SLC6A6: variants seen among roughly 807,000 people sequenced by gnomAD.
SLC6A6 encodes solute carrier family 6 member 6.
A neutral mutation model predicts 68.8 loss-of-function variants in SLC6A6; 16 were observed. The observed-to-expected ratio is 0.23, with a 90% CI of 0.16 to 0.35. SLC6A6 has a LOEUF of 0.35. Ranked by LOEUF, SLC6A6 falls within the 10% of genes least tolerant of loss-of-function variation. The pLI is 1.00. For synonymous variants in SLC6A6, 312 were observed against 315.4 expected, an observed-to-expected ratio of 0.99 and a Z score of 0.12; for missense variants, 474 against 802.8, an observed-to-expected ratio of 0.59 and a Z score of 4.95.
chr3:14,488,537 A>G lies in SLC6A6; in HGVS notation c.*3530A>G, dbSNP rs1407873532. On this transcript the variant is annotated 3_prime_UTR_variant, in exon 15 of 15. Coordinates refer to ENST00000622186, the MANE Select transcript of SLC6A6 (RefSeq NM_003043.6). Reference sequence around the variant, plus strand: ...CCCACCCCACCCAAGATTCAGACACAAGCCAGGAAAGGACCCAAGAGAAAA... The same window carrying G: ...CCCACCCCACCCAAGATTCAGACACGAGCCAGGAAAGGACCCAAGAGAAAA... 1 of 152,146 alleles carries G rather than the reference A, an allele frequency of 6.6e-6. No individual in the cohort carries two copies. Among genetic ancestry groups the G allele is most frequent in the Non-Finnish European group, 1.5e-5 (1 of 68,048 alleles). The allele number at this position is 152,146 out of a possible 1,614,324, so 9.4% of individuals were successfully genotyped here. A position where few individuals can be genotyped will look rare whatever the true frequency, so the allele number is the denominator to read the frequency against.
At chr3:14,428,814 T>G (rs1251730417) in intron 2 of SLC6A6, among the ~76,000 whole-genome samples, 4 of 152,078 alleles carry the variant, frequency 2.6e-5, no homozygotes, top group African/African-American at 9.7e-5. Flanking sequence ...GGAGGTGGTG[T>G]TTAAGGGACA....
chr3:14,432,055 C>T (rs1039643424), intron 2 of SLC6A6, among the ~76,000 whole-genome samples: 4 of 152,184 alleles, frequency 2.6e-5, no homozygotes, highest in Non-Finnish European at 4.4e-5. Context: ...GCCACAGTGA[C>T]AGAGTTGGGG....
At position 14,405,001 on chromosome 3, in the gene SLC6A6, G is replaced by A. The variant is rs144372360; in HGVS notation, c.-54+2154G>A. ...GTGAGCAGTACCCATTTTATAGATG[G>A]ACAAACTGAGAGCCACCTAAGGGAC... On this transcript the variant is annotated intron_variant, in intron 1 of 14. Transcript: ENST00000622186. Among the ~76,000 whole-genome samples the A allele has an allele frequency of 6.0e-3, 908 of 152,310 alleles. 7 individuals carry two copies. Among genetic ancestry groups the A allele is most frequent in the Middle Eastern group, 0.01 (3 of 294 alleles).
In SLC6A6 at chr3:14,481,849, C is replaced by A. The variant is rs1453642792; in HGVS notation, c.1722+8C>A. ...GAGGGGCCGTTCCTTGTGGTAAGTG[C>A]TTGGGCCCAGGGCCAGGGGAGGTGG... On this transcript the variant is annotated splice_region_variant and intron_variant, in intron 14 of 14. Coordinates refer to ENST00000622186, the MANE Select transcript of SLC6A6 (RefSeq NM_003043.6). This position sits in a 1 kb window ranked among gnomAD's most constrained non-coding sequence, Gnocchi z 4.7. The A allele has an allele frequency of 1.2e-6, 2 of 1,612,766 alleles. No individual in the cohort carries two copies. The highest frequency in any genetic ancestry group is 1.7e-4 in the Middle Eastern group (1 of 6,054).
In SLC6A6 at chr3:14,472,346, C is replaced by G. The variant is rs545666681; in HGVS notation, c.1209+29C>G. On this transcript the variant is annotated intron_variant, in intron 10 of 14. Coordinates refer to ENST00000622186, the MANE Select transcript of SLC6A6 (RefSeq NM_003043.6). The surrounding 1 kb of genome is among the most constrained non-coding windows in gnomAD (Gnocchi z 4.5). Reference sequence around the variant, plus strand: ...CGTATAAGGGATGGCCCTGGGGCGACTGCCCCTGTGGGGAACCTGACTCTG... The same window carrying G: ...CGTATAAGGGATGGCCCTGGGGCGAGTGCCCCTGTGGGGAACCTGACTCTG... The G allele has an allele frequency of 6.9e-5, 95 of 1,374,802 alleles. No homozygotes were observed. The South Asian group carries it at 9.6e-4, about 14-fold the overall frequency. The allele number at this position is 1,374,802 out of a possible 1,614,324, so 85.2% of individuals were successfully genotyped here. A position where few individuals can be genotyped will look rare whatever the true frequency, so the allele number is the denominator to read the frequency against.
chr3:14,475,193 G>A (rs1700845968), intron 10 of SLC6A6, among the ~76,000 whole-genome samples: 1 of 151,960 alleles, frequency 6.6e-6, no homozygotes, highest in Non-Finnish European at 1.5e-5. Flanking sequence ...CACCATACCT[G>A]GCTAATTTTT....
At position 14,472,169 on chromosome 3, in the gene SLC6A6, T is replaced by G. The variant is rs202084938; in HGVS notation, c.1097-36T>G. On this transcript the variant is annotated intron_variant, in intron 9 of 14. Coordinates refer to ENST00000622186, the MANE Select transcript of SLC6A6 (RefSeq NM_003043.6). The surrounding 1 kb of genome is among the most constrained non-coding windows in gnomAD (Gnocchi z 4.5). ...CAGTGGCTTGGTGGCTGATGTCTCC[T>G]CCCCTGTGCCCCTCCCCGTTTTCTT... 790 of 1,320,896 alleles carry G rather than the reference T, an allele frequency of 6.0e-4. 14 individuals are homozygous for G. In the South Asian group the frequency reaches 8.9e-3, roughly 15 times the overall value. 81.8% of individuals were successfully genotyped at this position (1,320,896 alleles called of 1,614,324 possible). A position where few individuals can be genotyped will look rare whatever the true frequency, so the allele number is the denominator to read the frequency against.
At position 14,468,345 on chromosome 3, in the gene SLC6A6, C is replaced by CG. The variant is rs397946379; in HGVS notation, c.1096+134dup. The CG allele has an allele frequency of 3.6e-4, 256 of 719,548 alleles. No individual in the cohort carries two copies. The highest frequency in any genetic ancestry group is 4.8e-4 in the Non-Finnish European group (225 of 464,008). 44.6% of individuals were successfully genotyped at this position (719,548 alleles called of 1,614,324 possible). The stretch of plus-strand genomic sequence containing the variant: ...TGGTTTCTAAAATGGACCCCCCCCC[C>CG]GCCACCAAGATATCCCCCAAATTTC... On this transcript the variant is annotated intron_variant, in intron 9 of 14. Transcript: ENST00000622186. The surrounding 1 kb of genome is among the most constrained non-coding windows in gnomAD (Gnocchi z 4.5).
intron 6 of SLC6A6, among the ~76,000 whole-genome samples, chr3:14,461,933 C>A (rs1199814783): frequency 6.6e-6 from 1 of 152,240 alleles, no homozygotes; most frequent in Non-Finnish European, 1.5e-5. Flanking sequence ...CCGGCTCCCC[C>A]TGCTGCTCAG....
chr3:14,481,768 C>G lies in SLC6A6; in HGVS notation c.1649C>G (p.Ala550Gly). 6.2e-7 allele frequency: 1 copy of G among 1,614,050 alleles called. No homozygotes were observed. Among genetic ancestry groups the G allele is most frequent in the Non-Finnish European group, 8.5e-7 (1 of 1,179,904 alleles). ...NWAIGLGWSL[A>G]LSSMLCVPLV... ...GCCATTGGGCTGGGCTGGAGCCTGG[C>G]CCTTTCCTCCATGCTCTGCGTTCCC... The change falls in exon 14 of 15, where the codon GCC becomes GGC. Residue 550 changes from alanine (A) to glycine (G), a missense_variant. By Grantham distance (60) the Ala-to-Gly change is moderately conservative (BLOSUM62 0). Coordinates refer to ENST00000622186, the MANE Select transcript of SLC6A6 (RefSeq NM_003043.6). The surrounding 1 kb of genome is among the most constrained non-coding windows in gnomAD (Gnocchi z 4.7).
chr3:14,441,110 C>CT (rs1275669571), intron 2 of SLC6A6, among the ~76,000 whole-genome samples: 3 of 152,106 alleles, frequency 2.0e-5, no homozygotes, highest in Non-Finnish European at 4.4e-5. Context: ...GCAAGTGGGT[C>CT]TGTGTGCCCA....
intron 1 of SLC6A6, among the ~76,000 whole-genome samples, chr3:14,413,701 G>C (rs1391015825): frequency 6.6e-6 from 1 of 152,062 alleles, no homozygotes; most frequent in Non-Finnish European, 1.5e-5. Context: ...GTGTGCCTGG[G>C]GCCGGGGGTG....
chr3:14,440,582 T>G (rs1338994568), intron 2 of SLC6A6, among the ~76,000 whole-genome samples: 1 of 152,148 alleles, frequency 6.6e-6, no homozygotes, highest in Non-Finnish European at 1.5e-5. Context: ...TTCTGCTTTT[T>G]AATCTGCCTT....
At chr3:14,470,487 T>A (rs918602953) in intron 9 of SLC6A6, among the ~76,000 whole-genome samples, 3 of 152,212 alleles carry the variant, frequency 2.0e-5, no homozygotes, top group Admixed American at 1.3e-4. Flanking sequence ...GAGTTCACCA[T>A]GCACTTTTAG....
chr3:14,415,736 T>C (rs968642851), intron 1 of SLC6A6, among the ~76,000 whole-genome samples: 5 of 151,940 alleles, frequency 3.3e-5, no homozygotes, highest in African/African-American at 1.2e-4. Context: ...AAAAAAGTCT[T>C]CTGGGTTAGT....
At chr3:14,427,533 G>A (rs1699628030) in intron 2 of SLC6A6, among the ~76,000 whole-genome samples, 1 of 152,182 alleles carries the variant, frequency 6.6e-6, no homozygotes, top group African/African-American at 2.4e-5. Context: ...TTGTTGGGCT[G>A]ATCTGTCATT....
Position 14,422,762 on chromosome 3 carries a change from C to T in SLC6A6, c.-12+6309C>T, listed in dbSNP as rs1485274746. Among the ~76,000 whole-genome samples, 4 of 152,208 alleles carry T rather than the reference C, an allele frequency of 2.6e-5. No individual in the cohort carries two copies. In the South Asian group the frequency reaches 8.3e-4, roughly 32 times the overall value. On this transcript the variant is annotated intron_variant, in intron 2 of 14. Coordinates refer to ENST00000622186, the MANE Select transcript of SLC6A6 (RefSeq NM_003043.6). ...CTCACTCCTCTTGCTCTGTGGGGTC[C>T]CACCTGGGCCATTGTGTTGCAAAGG...
chr3:14,440,156 C>T (rs918444216), intron 2 of SLC6A6, among the ~76,000 whole-genome samples: 5 of 152,140 alleles, frequency 3.3e-5, no homozygotes, highest in African/African-American at 1.2e-4. Flanking sequence ...CCTCACAACA[C>T]TCCCACAGGG....
intron 11 of SLC6A6, among the ~76,000 whole-genome samples, chr3:14,478,084 T>A (rs1184045006): frequency 1.3e-5 from 2 of 152,088 alleles, no homozygotes; most frequent in Non-Finnish European, 2.9e-5. Flanking sequence ...TTCACCATTT[T>A]TCCTTACCAG....
Sources: gnomAD v4.1 joint callset for allele counts (sites outside exome capture counted in the v4.1 genomes callset) on GRCh38, gnomAD v4.1.1 for gene constraint, Gnocchi (gnomAD v3.1) non-coding constraint, MANE v1.5 for transcripts, NCBI Gene and HGNC (gene_info 2026-07-23, HGNC 2026-07-21) for gene names.